UBE2V2: variants seen among roughly 807,000 people sequenced by gnomAD.
The protein encoded by UBE2V2 is ubiquitin conjugating enzyme E2 V2, also known as ubiquitin-conjugating enzyme E2 variant 2.
Under a neutral mutation model 17.2 loss-of-function variants are expected in UBE2V2, and 9 were observed. The observed-to-expected ratio is 0.52, with a 90% CI of 0.32 to 0.91. UBE2V2 has a LOEUF of 0.91. Ranked by LOEUF, UBE2V2 falls within the 40% of genes least tolerant of loss-of-function variation. The probability of loss-of-function intolerance (pLI) is 0.04; values close to 1 mark genes in which losing one functional copy is unlikely to be tolerated. For synonymous variants in UBE2V2, 61 were observed against 57.5 expected (o/e 1.06, Z -0.28); for missense variants, 133 against 182.6 (o/e 0.73, Z 1.56).
chr8:48,023,349 G>A (rs927999423), intron 1 of UBE2V2, among the ~76,000 whole-genome samples: 12 of 151,934 alleles, frequency 7.9e-5, no homozygotes, highest in African/African-American at 2.9e-4. Flanking sequence ...CTGAGTAGCT[G>A]TGACTACACG....
chr8:48,003,174 C>T, the UBE2V2 span, among the ~76,000 whole-genome samples: 1 of 145,500 alleles, frequency 6.9e-6, no homozygotes, highest in East Asian at 2.0e-4. Flanking sequence ...TGCGCCACTG[C>T]ACTACAGCCT....
chr8:47,997,504 T>G, the UBE2V2 span, among the ~76,000 whole-genome samples: 1 of 151,922 alleles, frequency 6.6e-6, no homozygotes, highest in Non-Finnish European at 1.5e-5. Flanking sequence ...TTCCTTCTCA[T>G]CCAGAAGGAG....
At chr8:48,031,749 A>C (rs1055178363) in intron 1 of UBE2V2, among the ~76,000 whole-genome samples, 1 of 152,008 alleles carries the variant, frequency 6.6e-6, no homozygotes, top group African/African-American at 2.4e-5. Context: ...TCCGCCTCCC[A>C]AATTCAAGCG....
intron 3 of UBE2V2, among the ~76,000 whole-genome samples, chr8:48,058,400 A>G (rs922717900): frequency 2.0e-5 from 3 of 151,342 alleles, no homozygotes; most frequent in Non-Finnish European, 4.4e-5. Context: ...CTGGGGAGGC[A>G]TGGGTTGCAG....
chr8:48,041,662 C>T (rs144713896), intron 1 of UBE2V2: 20 of 151,662 alleles, frequency 1.3e-4, no homozygotes, highest in African/African-American at 4.8e-4. Context: ...TGCATATACA[C>T]GAAAGCAAAA....
rs557515958 is a variant in UBE2V2, at chr8:48,060,209, C to CAA, written c.292-450_292-449dup. On this transcript the variant is annotated intron_variant, in intron 3 of 3. Transcript: ENST00000523111. ...TGGGTGACAGAGTGAGACTCTGTCT[C>CAA]AAAAAAAAAAAAAAAAAAAAAAAAG... 4.1e-3 allele frequency among the ~76,000 whole-genome samples: 176 copies of CAA among 43,356 alleles called. 1 individual carries two copies. Among genetic ancestry groups the CAA allele is most frequent in the Non-Finnish European group, 6.2e-3 (121 of 19,440 alleles). The allele number at this position is 43,356 out of a possible 152,430, so 28.4% of individuals were successfully genotyped here.
the UBE2V2 span, among the ~76,000 whole-genome samples, chr8:47,999,522 A>G: frequency 1.3e-5 from 2 of 151,720 alleles, no homozygotes; most frequent in Non-Finnish European, 2.9e-5. Context: ...ATGCCCAGCT[A>G]ATTTTTTTTT....
chr8:48,056,809 C>T (rs958120949), intron 3 of UBE2V2, among the ~76,000 whole-genome samples: 7 of 152,132 alleles, frequency 4.6e-5, no homozygotes, highest in Non-Finnish European at 7.4e-5. Flanking sequence ...CTGGAACCTC[C>T]ACCTCCTGGA....
intron 2 of UBE2V2, 60 bp from the exon 3 acceptor site, chr8:48,049,793 T>C: frequency 2.7e-6 from 4 of 1,467,722 alleles, no homozygotes; most frequent in Non-Finnish European, 2.8e-6. Context: ...TTTTTAGCAC[T>C]TAGACATTAA....
intron 1 of UBE2V2, among the ~76,000 whole-genome samples, chr8:48,028,022 T>C (rs2091357261): frequency 6.6e-6 from 1 of 151,414 alleles, no homozygotes; most frequent in Non-Finnish European, 1.5e-5. Flanking sequence ...CCTGGCTAAT[T>C]TTTGTATTTT....
chr8:48,058,559 G>A (rs1412468931), intron 3 of UBE2V2, among the ~76,000 whole-genome samples: 1 of 147,020 alleles, frequency 6.8e-6, no homozygotes, highest in African/African-American at 2.5e-5. Flanking sequence ...CCTGGGCAAC[G>A]AGTGAGACCC....
intron 3 of UBE2V2, 108 bp downstream of exon 3, chr8:48,050,086 A>C: frequency 1.2e-6 from 1 of 820,956 alleles, no homozygotes; most frequent in Non-Finnish European, 1.7e-6. Context: ...AGTTAGGAGA[A>C]AGTTTTTAAA....
At chr8:48,007,799 C>A (rs1158292708), upstream of UBE2V2, among the ~76,000 whole-genome samples, 1 of 150,964 alleles carries the variant, frequency 6.6e-6, no homozygotes, top group Admixed American at 6.6e-5. Context: ...GCAGCGATTT[C>A]TGCTCACTGC....
intron 1 of UBE2V2, among the ~76,000 whole-genome samples, chr8:48,010,938 C>T (rs1693875995): frequency 6.9e-6 from 1 of 144,216 alleles, no homozygotes; most frequent in African/African-American, 2.6e-5. Context: ...ATCATGTTGT[C>T]CAGACTGGTC....
intron 1 of UBE2V2, among the ~76,000 whole-genome samples, chr8:48,017,820 T>G (rs1219473390): frequency 6.6e-6 from 1 of 151,756 alleles, no homozygotes; most frequent in Non-Finnish European, 1.5e-5. Flanking sequence ...CTTTTCTTCC[T>G]GTTTTCTAGT....
At chr8:48,060,066 C>T (rs954651895) in intron 3 of UBE2V2, among the ~76,000 whole-genome samples, 3 of 151,500 alleles carry the variant, frequency 2.0e-5, no homozygotes, top group African/African-American at 4.9e-5. Context: ...ATTAGCCTGG[C>T]GTGGTGGCAG....
At chr8:48,021,910 C>T (rs1260193650) in intron 1 of UBE2V2, among the ~76,000 whole-genome samples, 1 of 151,492 alleles carries the variant, frequency 6.6e-6, no homozygotes, top group Non-Finnish European at 1.5e-5. Flanking sequence ...GAACTCCTTA[C>T]CTCAGATGAT....
the UBE2V2 span, among the ~76,000 whole-genome samples, chr8:48,000,432 T>C: frequency 6.6e-6 from 1 of 152,328 alleles, no homozygotes; most frequent in East Asian, 1.9e-4. Context: ...CTAATATAAC[T>C]TTCCTTTTCA....
intron 1 of UBE2V2, among the ~76,000 whole-genome samples, chr8:48,010,693 T>G (rs1017846088): frequency 2.9e-5 from 4 of 138,204 alleles, no homozygotes; most frequent in South Asian, 2.3e-4. Context: ...CGCCTGGGTT[T>G]GTTTGTTTTT....
Sources: gnomAD v4.1 joint callset for allele counts (sites outside exome capture counted in the v4.1 genomes callset) on GRCh38, gnomAD v4.1.1 for gene constraint, MANE v1.5 for transcripts, NCBI Gene and HGNC (gene_info 2026-07-23, HGNC 2026-07-21) for gene names.